The following PAX3 variants were observed in gnomAD, a reference collection of about 807,000 sequenced individuals.
PAX3 encodes paired box protein Pax-3.
In PAX3, 14 loss-of-function variants were observed where a neutral mutation model predicts 51.6. The ratio of observed to expected loss-of-function variants is 0.27; its 90% CI spans 0.18 to 0.42. The LOEUF (loss-of-function observed/expected upper bound fraction) is 0.42, where lower values mean the gene tolerates loss of function less well. Among genes scored for constraint, PAX3 ranks in the 10% least tolerant of loss-of-function variants. The pLI is 1.00. For synonymous variants in PAX3, 280 were observed against 253.4 expected (o/e 1.11, Z -1.00); for missense variants, 540 against 642.8 (o/e 0.84, Z 1.73).
At position 222,201,630 on chromosome 2, in the gene PAX3, G is replaced by A; in HGVS notation, c.1421-188C>T. 3.1e-6 allele frequency: 4 copies of A among 1,308,410 alleles called. No homozygotes were observed. In the South Asian group the frequency reaches 4.2e-5, roughly 14 times the overall value. The allele number at this position is 1,308,410 out of a possible 1,614,324, so 81.1% of individuals were successfully genotyped here. On this transcript the variant is annotated intron_variant, in intron 8 of 8. Transcript: ENST00000392070. The stretch of plus-strand genomic sequence containing the variant: ...TGGGATTATCCCCCATATGATCCTG[G>A]AGCTGACCTCATTAAGAACATGTGT...
chr2:222,219,834 T>A (rs1254674564), intron 7 of PAX3, among the ~76,000 whole-genome samples: 2 of 152,180 alleles, frequency 1.3e-5, no homozygotes, highest in African/African-American at 4.8e-5. Flanking sequence ...TTTGCAAGCT[T>A]CTTAACCAAA....
In PAX3 at chr2:222,201,323, T is replaced by G; in HGVS notation, c.*85A>C. The G allele has an allele frequency of 3.1e-6, 5 of 1,610,866 alleles. No homozygotes were observed. Among genetic ancestry groups the G allele is most frequent in the Non-Finnish European group, 4.2e-6 (5 of 1,179,340 alleles). ...ACCCCCCCCAACAAAAGGGTAATTT[T>G]TTTTTGTTTTCAGAGCAGATTCTTC... On this transcript the variant is annotated 3_prime_UTR_variant, in exon 9 of 9. Coordinates refer to ENST00000392070, the MANE Select transcript of PAX3 (RefSeq NM_181458.4).
At chr2:222,284,242 C>T (rs747621907) in intron 4 of PAX3, among the ~76,000 whole-genome samples, 1 of 152,046 alleles carries the variant, frequency 6.6e-6, no homozygotes, top group Non-Finnish European at 1.5e-5. Flanking sequence ...AGAAACTGTG[C>T]AAAAACAATT....
rs139238951 is a variant in PAX3, at chr2:222,207,576, A to G, written c.1174-5386T>C. Among the ~76,000 whole-genome samples, 264 of 152,332 alleles carry G rather than the reference A, an allele frequency of 1.7e-3. 2 individuals are homozygous for G. The highest frequency in any genetic ancestry group is 6.8e-3 in the Middle Eastern group (2 of 294). ...CAAGTGTGCTTCATATGCAGCATAC[A>G]TTTCCATGTTTTCATTGTAAAGAGT... On this transcript the variant is annotated intron_variant, in intron 7 of 8. Transcript: ENST00000392070.
At chr2:222,216,875 C>T (rs1435819428) in intron 7 of PAX3, among the ~76,000 whole-genome samples, 2 of 152,136 alleles carry the variant, frequency 1.3e-5, no homozygotes, top group East Asian at 3.8e-4. Context: ...ATTTCAATGG[C>T]TCTAGGGAAA....
At chr2:222,270,163 C>T (rs1019580629) in intron 4 of PAX3, among the ~76,000 whole-genome samples, 8 of 152,200 alleles carry the variant, frequency 5.3e-5, no homozygotes, top group Non-Finnish European at 7.4e-5. Flanking sequence ...AATAGTAAGC[C>T]CTGTTTCCCC....
At chr2:222,283,317 G>T (rs1255278912) in intron 4 of PAX3, among the ~76,000 whole-genome samples, 2 of 152,286 alleles carry the variant, frequency 1.3e-5, no homozygotes, top group African/African-American at 4.8e-5. Context: ...TTCTGCCAAA[G>T]GGGGAAGATA....
intron 5 of PAX3, among the ~76,000 whole-genome samples, chr2:222,225,865 C>T (rs1265726764): frequency 6.6e-6 from 1 of 152,208 alleles, no homozygotes. Flanking sequence ...GCTTCCTTCA[C>T]TCTGTGGTGT....
chr2:222,214,918 C>G (rs903476288), intron 7 of PAX3: 13 of 152,014 alleles, frequency 8.6e-5, no homozygotes, highest in African/African-American at 3.1e-4. Flanking sequence ...TAATTTAAGC[C>G]TATTTTCTTA....
intron 6 of PAX3, 53 bp from the exon 7 acceptor site, chr2:222,220,407 A>C: frequency 6.4e-7 from 1 of 1,568,910 alleles, no homozygotes; most frequent in East Asian, 2.3e-5. Context: ...CCAGCAGAGA[A>C]AGTTCAGTGC....
intron 4 of PAX3, among the ~76,000 whole-genome samples, chr2:222,274,236 G>A (rs1694344060): frequency 6.6e-6 from 1 of 152,032 alleles, no homozygotes; most frequent in Non-Finnish European, 1.5e-5. Context: ...ATTAATATAA[G>A]TAATTTTGAC....
intron 4 of PAX3, among the ~76,000 whole-genome samples, chr2:222,278,936 T>TTTG (rs765090975): frequency 6.6e-6 from 1 of 152,158 alleles, no homozygotes; most frequent in Non-Finnish European, 1.5e-5. Flanking sequence ...TTCTTTTGTT[T>TTTG]TTGTTGTTGT....
At chr2:222,230,732 G>A (rs1015137122) in intron 5 of PAX3, among the ~76,000 whole-genome samples, 1 of 151,500 alleles carries the variant, frequency 6.6e-6, no homozygotes, top group Non-Finnish European at 1.5e-5. Context: ...GCAAGCACCT[G>A]TAATCCCAGC....
intron 4 of PAX3, among the ~76,000 whole-genome samples, chr2:222,256,830 T>G (rs1217716444): frequency 6.6e-6 from 1 of 152,214 alleles, no homozygotes; most frequent in Non-Finnish European, 1.5e-5. Context: ...CATTTTGAAA[T>G]TCGACAGACT....
At chr2:222,222,032 A>G (rs576270493) in intron 5 of PAX3, among the ~76,000 whole-genome samples, 25 of 152,228 alleles carry the variant, frequency 1.6e-4, no homozygotes, top group Middle Eastern at 3.4e-3. Flanking sequence ...TGTCTTATTT[A>G]TTTCAACAAC....
intron 7 of PAX3, among the ~76,000 whole-genome samples, chr2:222,203,342 C>T (rs1011015969): frequency 5.3e-5 from 8 of 151,644 alleles, no homozygotes; most frequent in African/African-American, 1.7e-4. Flanking sequence ...GGTTCAAAAG[C>T]AATTGCAAAA....
intron 7 of PAX3, among the ~76,000 whole-genome samples, chr2:222,210,642 T>C (rs1224347559): frequency 1.3e-5 from 2 of 152,150 alleles, no homozygotes; most frequent in African/African-American, 4.8e-5. Flanking sequence ...CTCAAATAAA[T>C]TGATCTTAGT....
intron 5 of PAX3, among the ~76,000 whole-genome samples, chr2:222,223,310 G>A (rs931010810): frequency 1.2e-4 from 18 of 152,134 alleles, no homozygotes; most frequent in African/African-American, 4.3e-4. Flanking sequence ...ACAGGAAAAC[G>A]AGGTAAGTTA....
At chr2:222,251,091 T>TTTTTTTTA (rs150874657) in intron 4 of PAX3, among the ~76,000 whole-genome samples, 1 of 151,712 alleles carries the variant, frequency 6.6e-6, no homozygotes, top group East Asian at 1.9e-4. Context: ...CACAATACAT[T>TTTTTTTTA]TTTATTTATT....
Sources: gnomAD v4.1 joint callset for allele counts (sites outside exome capture counted in the v4.1 genomes callset) on GRCh38, gnomAD v4.1.1 for gene constraint, MANE v1.5 for transcripts, NCBI Gene and HGNC (gene_info 2026-07-23, HGNC 2026-07-21) for gene names.